TUT4: variants seen among roughly 807,000 people sequenced by gnomAD.
TUT4 encodes the protein terminal uridylyl transferase 4.
Under a neutral mutation model 192.2 loss-of-function variants are expected in TUT4, and 36 were observed. The ratio of observed to expected loss-of-function variants is 0.19; its 90% CI spans 0.14 to 0.25. TUT4 has a LOEUF of 0.25. Among genes scored for constraint, TUT4 ranks in the 10% least tolerant of loss-of-function variants. The pLI is 1.00. For missense variants in TUT4, 1,493 were observed against 1,957.2 expected (o/e 0.76, Z 4.47); for synonymous variants, 618 against 666.0 (o/e 0.93, Z 1.11).
intron 2 of TUT4, 51 bp downstream of exon 2, chr1:52,525,512 G>A: frequency 6.5e-7 from 1 of 1,542,468 alleles, no homozygotes; most frequent in Non-Finnish European, 8.7e-7. Flanking sequence ...TTAAACCGGG[G>A]ATAATCTAAA....
chr1:52,469,168 A>G (rs1045717425), intron 14 of TUT4, among the ~76,000 whole-genome samples: 2 of 152,208 alleles, frequency 1.3e-5, no homozygotes, highest in African/African-American at 4.8e-5. Context: ...ACAAAGAGTG[A>G]GCCTTAATGT....
At chr1:52,523,614 A>C (rs1293944215) in intron 2 of TUT4, among the ~76,000 whole-genome samples, 1 of 151,156 alleles carries the variant, frequency 6.6e-6, no homozygotes, top group Admixed American at 6.6e-5. Flanking sequence ...CCAAACCAAA[A>C]CAAAAAAAAA....
At chr1:52,512,569 A>G (rs974542484) in intron 3 of TUT4, among the ~76,000 whole-genome samples, 1 of 152,218 alleles carries the variant, frequency 6.6e-6, no homozygotes, top group African/African-American at 2.4e-5. Flanking sequence ...GCACAACATC[A>G]AATCAGACAA....
chr1:52,525,451 C>T, intron 2 of TUT4, 112 bp downstream of exon 2: 1 of 1,363,892 alleles, frequency 7.3e-7, no homozygotes, highest in Non-Finnish European at 9.7e-7. Context: ...CATACGGGAA[C>T]AAAAGTGCTA....
Position 52,474,832 on chromosome 1 carries a change from C to A in TUT4, c.2727G>T (p.Lys909Asn). 1 of 1,589,916 alleles carries A rather than the reference C, an allele frequency of 6.3e-7. No individual in the cohort carries two copies. The highest frequency in any genetic ancestry group is 8.5e-7 in the Non-Finnish European group (1 of 1,169,990). ...AGATCATTTACAAACTGTATCCTAC[C>A]TTGCCAGAGGTTAAAATAAACTTAT... ...VFDKFILTSG[K>N]PPTIVCSICK... Residue 909 changes from lysine to asparagine, a missense_variant and splice_region_variant, in exon 13 of 30, where the codon AAG becomes AAT. Physicochemically the swap from Lys to Asn is moderately conservative, Grantham distance 94. Around this residue, in one of 7 missense-constraint regions of TUT4, gnomAD observed 59 missense variants for 114.3 expected, o/e 0.52. Coordinates refer to ENST00000257177, the MANE Select transcript of TUT4 (RefSeq NM_001009881.3).
At chr1:52,497,556 C>T (rs1020474086) in intron 4 of TUT4, among the ~76,000 whole-genome samples, 2 of 152,208 alleles carry the variant, frequency 1.3e-5, no homozygotes, top group African/African-American at 4.8e-5. Context: ...CCTATCTAAT[C>T]AGCATATACA....
chr1:52,485,315 T>C (rs529337131), intron 9 of TUT4, among the ~76,000 whole-genome samples: 1 of 152,340 alleles, frequency 6.6e-6, no homozygotes, highest in South Asian at 2.1e-4. Context: ...TTTGTATATT[T>C]ATCTTGTATT....
At chr1:52,441,029 G>A (rs1655348756) in intron 24 of TUT4, among the ~76,000 whole-genome samples, 1 of 152,090 alleles carries the variant, frequency 6.6e-6, no homozygotes, top group South Asian at 2.1e-4. Context: ...GACATTTTAT[G>A]TATTTTAACT....
At chr1:52,550,479 TTAACAGG>T (rs1026760955) in intron 1 of TUT4, among the ~76,000 whole-genome samples, 4 of 151,204 alleles carry the variant, frequency 2.6e-5, no homozygotes, top group African/African-American at 9.7e-5. Context: ...GGCATCAACA[TTAACAGG>T]TAAGTATTGC....
intron 3 of TUT4, among the ~76,000 whole-genome samples, chr1:52,510,723 A>T (rs1230233610): frequency 6.6e-6 from 1 of 152,186 alleles, no homozygotes; most frequent in Non-Finnish European, 1.5e-5. Flanking sequence ...ACAATTTGTC[A>T]TTTTAATTCC....
rs80029846 is a variant in TUT4 at position 52,441,263 on chromosome 1, C to G, written c.3823-2928G>C. ...AGAAGGGCAGAGGTAAAAGGTGGGA[C>G]AAAGTGCAGGGCATATGGCTTTTTT... On this transcript the variant is annotated intron_variant, in intron 24 of 29. Transcript: ENST00000257177. Among the ~76,000 whole-genome samples the G allele has an allele frequency of 3.1e-3, 424 of 138,914 alleles. 2 individuals are homozygous for G. The highest frequency in any genetic ancestry group is 0.011 in the African/African-American group (403 of 37,762). 91.1% of individuals were successfully genotyped at this position (138,914 alleles called of 152,430 possible).
rs192115020 is a variant in TUT4, at chr1:52,445,745, T to C, written c.3822+42A>G. ...ACACAATTAAGTTTCTTGTTCTATT[T>C]AAAAAAAGAAAAGATTCACAATTCA... is the stretch of plus-strand genomic sequence containing the variant. On this transcript the variant is annotated intron_variant, in intron 24 of 29. Transcript: ENST00000257177. The C allele has an allele frequency of 3.4e-6, 5 of 1,449,892 alleles. No homozygotes were observed. In the Admixed American group the frequency reaches 9.6e-5, roughly 28 times the overall value. The allele number at this position is 1,449,892 out of a possible 1,614,324, so 89.8% of individuals were successfully genotyped here. A position where few individuals can be genotyped will look rare whatever the true frequency, so the allele number is the denominator to read the frequency against.
intron 9 of TUT4, among the ~76,000 whole-genome samples, chr1:52,487,918 G>A (rs564908596): frequency 1.3e-5 from 2 of 152,254 alleles, no homozygotes; most frequent in East Asian, 3.9e-4. Context: ...CAATTTCACA[G>A]TACAGACTGC....
chr1:52,474,751 T>C, intron 13 of TUT4, 81 bp downstream of exon 13: 1 of 1,238,974 alleles, frequency 8.1e-7, no homozygotes. Context: ...TATAGCTATT[T>C]TTACATTTCT....
intron 24 of TUT4, among the ~76,000 whole-genome samples, chr1:52,444,338 AATT>A (rs551816569): frequency 1.7e-3 from 260 of 152,152 alleles, no homozygotes; most frequent in Non-Finnish European, 2.2e-3. Context: ...TCTCCATTTT[AATT>A]ATTATTACCC....
rs749745471 is a variant in TUT4, at chr1:52,431,031, C to T, written c.4693G>A (p.Gly1565Ser). Residue 1565 changes from glycine to serine, a missense_variant, in exon 28 of 30, where the codon GGT (glycine) becomes AGT (serine). This residue lies in a region of TUT4 where 351 missense variants were observed against 397.8 expected (regional missense o/e 0.88). Transcript: ENST00000257177. Reference sequence around the variant, plus strand: ...AGGTTACCTGAATTCCCCACTGCACCACTGTTTACCAGGGAATTTGGAGCC... The same window carrying T: ...AGGTTACCTGAATTCCCCACTGCACTACTGTTTACCAGGGAATTTGGAGCC... ...TVAPNSLVNSGAVGNSEPGFR... is the reference protein window; with the variant it reads ...TVAPNSLVNSSAVGNSEPGFR... 56 of 1,593,826 alleles carry T rather than the reference C, an allele frequency of 3.5e-5. No individual in the cohort carries two copies. The highest frequency in any genetic ancestry group is 4.6e-5 in the Non-Finnish European group (54 of 1,165,192).
chr1:52,519,393 G>A (rs1679604411), intron 2 of TUT4, among the ~76,000 whole-genome samples: 1 of 152,170 alleles, frequency 6.6e-6, no homozygotes, highest in Non-Finnish European at 1.5e-5. Flanking sequence ...CTGCTAATGG[G>A]TATGGAGTTT....
intron 15 of TUT4, among the ~76,000 whole-genome samples, chr1:52,467,789 TG>T (rs1407881965): frequency 2.0e-5 from 3 of 152,160 alleles, no homozygotes; most frequent in Admixed American, 6.5e-5. Context: ...TCCTCAAATA[TG>T]CCAAACATAA....
At chr1:52,474,352 A>G (rs1330874387) in intron 13 of TUT4, among the ~76,000 whole-genome samples, 4 of 152,194 alleles carry the variant, frequency 2.6e-5, no homozygotes, top group African/African-American at 9.6e-5. Flanking sequence ...TTTTTTGACT[A>G]TTAATCTTAG....
Sources: allele counts gnomAD v4.1 joint callset (sites outside exome capture counted in the v4.1 genomes callset), GRCh38; gene constraint gnomAD v4.1.1; regional missense constraint gnomAD v4.1.1; transcripts MANE v1.5; gene names NCBI Gene and HGNC (gene_info 2026-07-23, HGNC 2026-07-21).